The following IL1RAPL1 variants were observed in gnomAD, a reference collection of about 807,000 sequenced individuals.
The protein encoded by IL1RAPL1 is interleukin 1 receptor accessory protein like 1.
A neutral mutation model predicts 48.4 loss-of-function variants in IL1RAPL1; 3 were observed. The ratio of observed to expected loss-of-function variants is 0.06; its 90% CI spans 0.03 to 0.16. The LOEUF is 0.16. Ranked by LOEUF, IL1RAPL1 falls within the 10% of genes least tolerant of loss-of-function variation. The pLI is 1.00. For missense variants in IL1RAPL1, 349 were observed against 530.6 expected (o/e 0.66, Z 3.36); for synonymous variants, 185 against 187.7 (o/e 0.99, Z 0.12).
At chrX:29,522,244 C>A (rs1935510428) in intron 5 of IL1RAPL1, among the ~76,000 whole-genome samples, 1 of 111,651 alleles carries the variant, frequency 9.0e-6, no homozygotes, top group African/African-American at 3.3e-5. Flanking sequence ...ACTGCAACTT[C>A]TGCCTCCCAG....
At chrX:29,263,350 G>C (rs1170830716) in intron 2 of IL1RAPL1, among the ~76,000 whole-genome samples, 1 of 112,231 alleles carries the variant, frequency 8.9e-6, no homozygotes, top group African/African-American at 3.2e-5. Context: ...TGGGAAAACA[G>C]CAGGAGCAAT....
intron 5 of IL1RAPL1, among the ~76,000 whole-genome samples, chrX:29,484,268 C>T (rs1208555899): frequency 9.0e-6 from 1 of 111,527 alleles, no homozygotes; most frequent in Non-Finnish European, 1.9e-5. Flanking sequence ...TGAGAGCCAT[C>T]TTGCTATGTG....
intron 2 of IL1RAPL1, among the ~76,000 whole-genome samples, chrX:29,128,997 T>A (rs1309103239): frequency 9.1e-6 from 1 of 109,702 alleles, no homozygotes; most frequent in Non-Finnish European, 1.9e-5. Context: ...TAAAATAGTT[T>A]ACAAAATTTT....
At chrX:29,115,232 C>G (rs1482988508) in intron 2 of IL1RAPL1, among the ~76,000 whole-genome samples, 1 of 111,660 alleles carries the variant, frequency 9.0e-6, no homozygotes, top group African/African-American at 3.3e-5. Context: ...CAGCTTTCTG[C>G]AACTGTTTCA....
chrX:29,014,889 C>A (rs1024240835), intron 2 of IL1RAPL1, among the ~76,000 whole-genome samples: 1 of 111,268 alleles, frequency 9.0e-6, no homozygotes, highest in Non-Finnish European at 1.9e-5. Context: ...ATATTTAAAT[C>A]TTTGGAGTCA....
intron 1 of IL1RAPL1, among the ~76,000 whole-genome samples, chrX:28,704,450 ACACACGCATG>A (rs1935342186): frequency 9.4e-6 from 1 of 106,611 alleles, no homozygotes; most frequent in African/African-American, 3.4e-5. Flanking sequence ...ACACACACAC[ACACACGCATG>A]CACACACACC....
Position 29,431,678 on chromosome X carries a change from CT to C in IL1RAPL1, c.703+32371del, listed in dbSNP as rs1350972354. Among the ~76,000 whole-genome samples, 4 of 111,581 alleles carry C rather than the reference CT, an allele frequency of 3.6e-5. No homozygotes were observed. The East Asian group carries it at 8.3e-4, about 23-fold the overall frequency. On this transcript the variant is annotated intron_variant, in intron 5 of 10. Coordinates refer to ENST00000378993, the MANE Select transcript of IL1RAPL1 (RefSeq NM_014271.4). ...AATATTTTAAAGATTCTCAAAACCT[CT>C]GTAATTTTTTTTCCCATTACCAACA... is the stretch of plus-strand genomic sequence containing the variant.
At chrX:28,700,669 A>G (rs1569154241) in intron 1 of IL1RAPL1, among the ~76,000 whole-genome samples, 1 of 110,234 alleles carries the variant, frequency 9.1e-6, no homozygotes, top group Non-Finnish European at 1.9e-5. Flanking sequence ...CCCCGCATGC[A>G]TTAGTTATTT....
chrX:29,296,362 A>C (rs1330616442), intron 3 of IL1RAPL1, among the ~76,000 whole-genome samples: 1 of 111,637 alleles, frequency 9.0e-6, no homozygotes, highest in African/African-American at 3.3e-5. Flanking sequence ...CTGAAGAAGG[A>C]GGACAGATTT....
chrX:29,000,184 G>A (rs763808829), intron 2 of IL1RAPL1, among the ~76,000 whole-genome samples: 4 of 111,284 alleles, frequency 3.6e-5, no homozygotes, highest in South Asian at 3.8e-4. Context: ...TCCATCCTCC[G>A]CCAATGTTTT....
chrX:29,889,867 A>AC (rs945177979), intron 6 of IL1RAPL1, among the ~76,000 whole-genome samples: 2 of 106,625 alleles, frequency 1.9e-5, no homozygotes, highest in Non-Finnish European at 3.9e-5. Context: ...AACTGTTTCA[A>AC]TTTTTTTTTT....
At chrX:29,932,553 C>A (rs1168575781) in intron 8 of IL1RAPL1, among the ~76,000 whole-genome samples, 1 of 111,998 alleles carries the variant, frequency 8.9e-6, no homozygotes, top group Non-Finnish European at 1.9e-5. Flanking sequence ...GTGCTCCAGA[C>A]CAAACTACTT....
chrX:29,593,889 T>C (rs138782976), intron 5 of IL1RAPL1, among the ~76,000 whole-genome samples: 45 of 112,248 alleles, frequency 4.0e-4, no homozygotes, highest in African/African-American at 1.1e-3. Flanking sequence ...CCCAAATGTG[T>C]CTTTTCTTGG....
intron 5 of IL1RAPL1, among the ~76,000 whole-genome samples, chrX:29,485,667 G>T: frequency 9.0e-6 from 1 of 111,481 alleles, no homozygotes; most frequent in African/African-American, 3.3e-5. Flanking sequence ...AGCATGAAAG[G>T]ACTTCCTTTT....
intron 6 of IL1RAPL1, among the ~76,000 whole-genome samples, chrX:29,680,154 A>T: frequency 9.0e-6 from 1 of 111,566 alleles, no homozygotes; most frequent in Non-Finnish European, 1.9e-5. Flanking sequence ...GTCATAAGTG[A>T]CAAATCACTT....
intron 3 of IL1RAPL1, among the ~76,000 whole-genome samples, chrX:29,332,792 C>G (rs1333664370): frequency 1.8e-5 from 2 of 110,861 alleles, no homozygotes; most frequent in Non-Finnish European, 3.8e-5. Context: ...GAGGACCCTG[C>G]GGCCTTCCGC....
At chrX:28,956,354 A>C (rs1436434052) in intron 2 of IL1RAPL1, among the ~76,000 whole-genome samples, 3 of 109,288 alleles carry the variant, frequency 2.7e-5, no homozygotes, top group Middle Eastern at 4.8e-3. Context: ...TTCAGAGGGA[A>C]TGCTTCCAGT....
At position 29,228,332 on chromosome X, in the gene IL1RAPL1, AGTGT is replaced by A. The variant is rs1555978439; in HGVS notation, c.83-54568_83-54565del. ...TAAACACTGTAGTTTAGTTTTGCCT[AGTGT>A]GTGTGTGTGTGTGTGTGTGTGTGTG... On this transcript the variant is annotated intron_variant, in intron 2 of 10. Transcript: ENST00000378993. 3.0e-3 allele frequency among the ~76,000 whole-genome samples: 235 copies of A among 79,545 alleles called. 1 individual carries two copies. Among genetic ancestry groups the A allele is most frequent in the East Asian group, 8.0e-3 (20 of 2,498 alleles). 69.1% of individuals were successfully genotyped at this position (79,545 alleles called of 115,157 possible).
intron 1 of IL1RAPL1, among the ~76,000 whole-genome samples, chrX:28,763,880 C>T (rs995463192): frequency 8.1e-5 from 9 of 110,712 alleles, no homozygotes; most frequent in African/African-American, 9.9e-5. Flanking sequence ...GAAAATCTGA[C>T]GGGCTTGTAC....
Sources: gnomAD v4.1 joint callset for allele counts (sites outside exome capture counted in the v4.1 genomes callset) on GRCh38, gnomAD v4.1.1 for gene constraint, MANE v1.5 for transcripts, NCBI Gene and HGNC (gene_info 2026-07-23, HGNC 2026-07-21) for gene names.